TTC39C: variants seen among roughly 807,000 people sequenced by gnomAD.
TTC39C encodes the protein tetratricopeptide repeat protein 39C.
Under a neutral mutation model 76.3 loss-of-function variants are expected in TTC39C, and 33 were observed. That is an observed-to-expected ratio of 0.43 (90% confidence interval 0.33 to 0.58). The LOEUF is 0.58. TTC39C is among the 20% of genes least tolerant of loss of function. The pLI is 0.04. For missense variants in TTC39C, 595 were observed against 701.4 expected (o/e 0.85, Z 1.71); for synonymous variants, 254 against 260.6 (o/e 0.97, Z 0.24).
At chr18:23,997,643 G>A (rs2083274827) in intron 1 of TTC39C, among the ~76,000 whole-genome samples, 1 of 104,226 alleles carries the variant, frequency 9.6e-6, no homozygotes, top group Admixed American at 1.1e-4. Flanking sequence ...GAGGGAGGGA[G>A]GAAGGAAGGA....
intron 2 of TTC39C, among the ~76,000 whole-genome samples, chr18:24,064,793 A>G (rs1178759695): frequency 6.6e-6 from 1 of 152,236 alleles, no homozygotes. Flanking sequence ...GGGACTGAAA[A>G]AGAGAAAGCA....
At position 24,103,972 on chromosome 18, in the gene TTC39C, C is replaced by G. The variant is rs536571982; in HGVS notation, c.985-10582C>G. Reference sequence around the variant, plus strand: ...TTTGAGACGGAGTCTTGTTCTGTCACCCAGGCTGGAGTGCAGTGGTGCCAT... The same window carrying G: ...TTTGAGACGGAGTCTTGTTCTGTCAGCCAGGCTGGAGTGCAGTGGTGCCAT... On this transcript the variant is annotated intron_variant, in intron 6 of 13. Transcript: ENST00000317571. 7.3e-5 allele frequency among the ~76,000 whole-genome samples: 11 copies of G among 151,270 alleles called. 1 individual carries two copies. Among genetic ancestry groups the G allele is most frequent in the African/African-American group, 2.7e-4 (11 of 41,196 alleles).
At chr18:24,021,961 T>G (rs1481492615) in intron 1 of TTC39C, among the ~76,000 whole-genome samples, 1 of 152,196 alleles carries the variant, frequency 6.6e-6, no homozygotes, top group Non-Finnish European at 1.5e-5. Context: ...TTCATACCTT[T>G]ATTCAAATCT....
chr18:23,997,142 C>T (rs999521596), intron 1 of TTC39C, among the ~76,000 whole-genome samples: 1 of 152,096 alleles, frequency 6.6e-6, no homozygotes, highest in African/African-American at 2.4e-5. Context: ...TTAGGCAGGG[C>T]ACAGTGGCTC....
At chr18:24,031,122 C>CTTT (rs74423704) in intron 1 of TTC39C, among the ~76,000 whole-genome samples, 1 of 139,754 alleles carries the variant, frequency 7.2e-6, no homozygotes, top group Non-Finnish European at 1.6e-5. Flanking sequence ...ACCTTTTTTA[C>CTTT]TTTTTTTTTT....
chr18:24,083,030 T>C lies in TTC39C; in HGVS notation c.933T>C (p.Tyr311=), dbSNP rs1219373359. ...KEILLKKEAA[Y]PNSSLFMFFK... is the part of the protein sequence containing the mutation. The stretch of plus-strand genomic sequence containing the variant: ...TTCTCCTTAAAAAAGAAGCTGCTTA[T>C]CCAAATTCTTCCCTCTTTATGTTTT... The change falls in exon 6 of 14, where the codon TAT becomes TAC. Residue 311 remains tyrosine, a synonymous_variant. Coordinates refer to ENST00000317571, the MANE Select transcript of TTC39C (RefSeq NM_001135993.2). 3 of 1,614,140 alleles carry C rather than the reference T, an allele frequency of 1.9e-6. No individual in the cohort carries two copies. Among genetic ancestry groups the C allele is most frequent in the Non-Finnish European group, 2.5e-6 (3 of 1,179,984 alleles).
At chr18:24,073,938 T>C (rs968597515) in intron 4 of TTC39C, among the ~76,000 whole-genome samples, 1 of 152,224 alleles carries the variant, frequency 6.6e-6, no homozygotes, top group Non-Finnish European at 1.5e-5. Flanking sequence ...TACATACCCC[T>C]TGAGGGCAGG....
intron 1 of TTC39C, among the ~76,000 whole-genome samples, chr18:23,996,635 T>C (rs1039643635): frequency 2.0e-5 from 3 of 152,152 alleles, no homozygotes; most frequent in African/African-American, 7.2e-5. Context: ...GTGTGAAAAA[T>C]GGTGATTCCC....
At chr18:24,086,936 G>T (rs2084447378) in intron 6 of TTC39C, among the ~76,000 whole-genome samples, 1 of 151,594 alleles carries the variant, frequency 6.6e-6, no homozygotes, top group South Asian at 2.1e-4. Flanking sequence ...TTTTCTTTTG[G>T]GGAAAAAGAA....
intron 10 of TTC39C, among the ~76,000 whole-genome samples, chr18:24,127,118 C>T (rs965562260): frequency 7.9e-5 from 12 of 152,156 alleles, no homozygotes; most frequent in Non-Finnish European, 1.3e-4. Flanking sequence ...GAAGGGAAGA[C>T]AGACAGTATC....
upstream of TTC39C, among the ~76,000 whole-genome samples, chr18:24,013,268 T>G (rs948787573): frequency 2.6e-5 from 4 of 152,174 alleles, no homozygotes; most frequent in Non-Finnish European, 5.9e-5. Context: ...GTGTTCCAGT[T>G]TGTGGTTCCA....
intron 1 of TTC39C, among the ~76,000 whole-genome samples, chr18:24,002,639 T>A (rs1458182682): frequency 6.6e-6 from 1 of 152,112 alleles, no homozygotes; most frequent in Non-Finnish European, 1.5e-5. Flanking sequence ...GAGACAGGAA[T>A]GCTAGACTCT....
intron 1 of TTC39C, among the ~76,000 whole-genome samples, chr18:24,023,593 T>C (rs2083541544): frequency 6.6e-6 from 1 of 152,088 alleles, no homozygotes; most frequent in Admixed American, 6.5e-5. Context: ...ATCTGATCCC[T>C]TGCAGGGCTC....
chr18:24,030,812 G>A (rs1482853969), intron 1 of TTC39C, among the ~76,000 whole-genome samples: 2 of 151,854 alleles, frequency 1.3e-5, no homozygotes, highest in Admixed American at 1.3e-4. Context: ...CCACCACTAC[G>A]CCCGGCTAAT....
At chr18:24,125,053 C>T (rs555757230) in intron 9 of TTC39C, among the ~76,000 whole-genome samples, 51 of 152,210 alleles carry the variant, frequency 3.4e-4, no homozygotes, top group African/African-American at 1.2e-3. Context: ...CCACCATACC[C>T]GGCTAATTTT....
At chr18:24,011,623 C>T (rs2083393915), upstream of TTC39C, among the ~76,000 whole-genome samples, 1 of 152,190 alleles carries the variant, frequency 6.6e-6, no homozygotes, top group Non-Finnish European at 1.5e-5. Flanking sequence ...GTTTTTCTGT[C>T]ATTTGCAACC....
intron 1 of TTC39C, 117 bp downstream of exon 1, chr18:24,015,155 G>T: frequency 1.1e-6 from 1 of 928,346 alleles, no homozygotes; most frequent in South Asian, 2.3e-5. Context: ...ACCGATTCCG[G>T]TCCTCAGGTC....
At chr18:24,077,126 G>T in intron 4 of TTC39C, 1 of 152,604 alleles carries the variant, frequency 6.6e-6, no homozygotes, top group Non-Finnish European at 1.5e-5. Flanking sequence ...TTGTCCCGGT[G>T]TGTCCCCTGC....
chr18:24,056,406 A>G (rs1359080229), intron 1 of TTC39C, among the ~76,000 whole-genome samples: 1 of 152,240 alleles, frequency 6.6e-6, no homozygotes, highest in Non-Finnish European at 1.5e-5. Flanking sequence ...GAACATTTTC[A>G]GAAAAATGAA....
Sources: allele counts gnomAD v4.1 joint callset (sites outside exome capture counted in the v4.1 genomes callset), GRCh38; gene constraint gnomAD v4.1.1; transcripts MANE v1.5; gene names NCBI Gene and HGNC (gene_info 2026-07-23, HGNC 2026-07-21).